RBMS1: variants seen among roughly 807,000 people sequenced by gnomAD.
RBMS1 encodes the protein RNA binding motif single stranded interacting protein 1, also known as RNA-binding motif, single-stranded-interacting protein 1.
RBMS1 carries 17 observed loss-of-function variants against 62.3 expected under a neutral mutation model. The observed-to-expected ratio is 0.27, with a 90% confidence interval of 0.19 to 0.41. The LOEUF is 0.41. RBMS1 is among the 10% of genes least tolerant of loss of function. RBMS1 has a pLI of 1.00. For synonymous variants in RBMS1, 172 were observed against 170.0 expected (o/e 1.01, Z -0.09); for missense variants, 334 against 504.5 (o/e 0.66, Z 3.24).
intron 2 of RBMS1, among the ~76,000 whole-genome samples, chr2:160,365,331 A>G (rs1451742516): frequency 6.6e-6 from 1 of 152,220 alleles, no homozygotes; most frequent in Non-Finnish European, 1.5e-5. Flanking sequence ...ATTGTACAAG[A>G]GCCTTCCTTT....
rs571346543 is a variant in RBMS1, at chr2:160,330,163, T to C, written c.252-11936A>G. Among the ~76,000 whole-genome samples the C allele has an allele frequency of 7.2e-5, 11 of 152,284 alleles. No individual in the cohort carries two copies. The South Asian group carries it at 2.3e-3, about 32-fold the overall frequency. Reference sequence around the variant, plus strand: ...GTTACATAATGTATTCTGATTTGAGTTAAATAAAAAAATCATTATTTGCTC... The same window carrying C: ...GTTACATAATGTATTCTGATTTGAGCTAAATAAAAAAATCATTATTTGCTC... On this transcript the variant is annotated intron_variant, in intron 2 of 13. Coordinates refer to ENST00000348849, the MANE Select transcript of RBMS1 (RefSeq NM_016836.4).
intron 1 of RBMS1, 32 bp from the exon 2 acceptor site, chr2:160,367,423 C>G: frequency 6.2e-7 from 1 of 1,611,972 alleles, no homozygotes; most frequent in Non-Finnish European, 8.5e-7. Flanking sequence ...CCTTAGTATG[C>G]TAGCATTAGG....
chr2:160,462,116 C>T (rs1185128195), intron 1 of RBMS1, among the ~76,000 whole-genome samples: 3 of 152,216 alleles, frequency 2.0e-5, no homozygotes, highest in African/African-American at 7.2e-5. Context: ...CCAAGTTCTC[C>T]TTTGCTTAGC....
intron 1 of RBMS1, among the ~76,000 whole-genome samples, chr2:160,422,593 C>T (rs948117072): frequency 3.9e-5 from 6 of 152,104 alleles, no homozygotes; most frequent in African/African-American, 1.4e-4. Context: ...AGGTCACCAT[C>T]ACCACCACTA....
At chr2:160,470,094 C>G (rs556613490) in intron 1 of RBMS1, among the ~76,000 whole-genome samples, 1 of 151,896 alleles carries the variant, frequency 6.6e-6, no homozygotes, top group African/African-American at 2.4e-5. Context: ...CAAATGCAAG[C>G]TGGTGTTCTG....
intron 2 of RBMS1, among the ~76,000 whole-genome samples, chr2:160,354,794 G>T (rs1692703819): frequency 6.6e-6 from 1 of 152,076 alleles, no homozygotes; most frequent in African/African-American, 2.4e-5. Context: ...AGTGGTCCTG[G>T]CCCCTTAAGC....
chr2:160,366,774 G>A (rs1693419904), intron 2 of RBMS1: 1 of 157,714 alleles, frequency 6.3e-6, no homozygotes, highest in African/African-American at 2.4e-5. Flanking sequence ...AGACTAATAT[G>A]GTCCCAGCTG....
intron 2 of RBMS1, among the ~76,000 whole-genome samples, chr2:160,353,567 C>G (rs1692636796): frequency 6.6e-6 from 1 of 152,090 alleles, no homozygotes; most frequent in African/African-American, 2.4e-5. Flanking sequence ...AAGTTAAGTT[C>G]TTTGGCAAGA....
intron 1 of RBMS1, among the ~76,000 whole-genome samples, chr2:160,382,049 G>A (rs1458191247): frequency 6.6e-6 from 1 of 152,200 alleles, no homozygotes; most frequent in Non-Finnish European, 1.5e-5. Flanking sequence ...ACCAGGCCCT[G>A]CCTAGTAATC....
intron 1 of RBMS1, chr2:160,493,068 C>G (rs527267638): frequency 3.9e-6 from 2 of 519,338 alleles, no homozygotes; most frequent in South Asian, 2.6e-5. Context: ...TCTCTCCCCC[C>G]GCGGCTTTCT....
intron 10 of RBMS1, among the ~76,000 whole-genome samples, chr2:160,281,068 T>G (rs1014188232): frequency 6.6e-6 from 1 of 152,188 alleles, no homozygotes. Flanking sequence ...CTGGTATGAA[T>G]AAGAAAATGG....
chr2:160,334,731 C>G (rs1379907446), intron 2 of RBMS1, among the ~76,000 whole-genome samples: 1 of 152,132 alleles, frequency 6.6e-6, no homozygotes, highest in Non-Finnish European at 1.5e-5. Context: ...CAGCCCCCTT[C>G]TTTAGGGAGA....
intron 1 of RBMS1, among the ~76,000 whole-genome samples, chr2:160,446,107 G>A (rs570298591): frequency 2.1e-4 from 32 of 152,116 alleles, no homozygotes; most frequent in African/African-American, 6.3e-4. Context: ...TTATCATAAC[G>A]TTTCCCTCAC....
intron 1 of RBMS1, among the ~76,000 whole-genome samples, chr2:160,409,214 A>C (rs1695920852): frequency 6.6e-6 from 1 of 152,142 alleles, no homozygotes; most frequent in African/African-American, 2.4e-5. Flanking sequence ...CAGCCAGATA[A>C]CTGGAAAGCC....
chr2:160,392,583 T>C (rs928247137), intron 1 of RBMS1, among the ~76,000 whole-genome samples: 1 of 152,164 alleles, frequency 6.6e-6, no homozygotes, highest in Non-Finnish European at 1.5e-5. Flanking sequence ...TAGTACTATT[T>C]TCCAATCCTA....
At chr2:160,307,045 C>T (rs1689566732) in intron 4 of RBMS1, among the ~76,000 whole-genome samples, 8 of 151,982 alleles carry the variant, frequency 5.3e-5, no homozygotes, top group Admixed American at 3.3e-4. Flanking sequence ...TCACATTGGC[C>T]GTCAGAGTGA....
rs755429434 is a variant in RBMS1, at chr2:160,476,551, CTTTTTT to C, written c.75+16732_75+16737del. Among the ~76,000 whole-genome samples the C allele has an allele frequency of 2.7e-5, 3 of 111,276 alleles. 1 individual carries two copies. Among genetic ancestry groups the C allele is most frequent in the Non-Finnish European group, 5.4e-5 (3 of 55,704 alleles). 73.0% of individuals were successfully genotyped at this position (111,276 alleles called of 152,430 possible). A position where few individuals can be genotyped will look rare whatever the true frequency, so the allele number is the denominator to read the frequency against. ...GCACAAAACTGAACAAAACACACTT[CTTTTTT>C]TTTTTTTTTTTTTTTGAGACAGAGT... is the stretch of plus-strand genomic sequence containing the variant. On this transcript the variant is annotated intron_variant, in intron 1 of 13. Coordinates refer to ENST00000348849, the MANE Select transcript of RBMS1 (RefSeq NM_016836.4).
intron 2 of RBMS1, among the ~76,000 whole-genome samples, chr2:160,354,236 A>G (rs1692673318): frequency 6.6e-6 from 1 of 152,160 alleles, no homozygotes; most frequent in Non-Finnish European, 1.5e-5. Context: ...TTAATTAAAT[A>G]AATGCTCAAA....
intron 4 of RBMS1, among the ~76,000 whole-genome samples, chr2:160,312,192 A>G (rs928363678): frequency 2.0e-5 from 3 of 152,204 alleles, no homozygotes; most frequent in African/African-American, 7.2e-5. Context: ...TTTCAAGGCC[A>G]TCAAGTCTAT....
Sources: gnomAD v4.1 joint callset for allele counts (sites outside exome capture counted in the v4.1 genomes callset) on GRCh38, gnomAD v4.1.1 for gene constraint, MANE v1.5 for transcripts, NCBI Gene and HGNC (gene_info 2026-07-23, HGNC 2026-07-21) for gene names.